INO80D: variants seen among roughly 807,000 people sequenced by gnomAD.
INO80D encodes INO80 complex subunit D.
A neutral mutation model predicts 87.6 loss-of-function variants in INO80D; 21 were observed. The observed-to-expected ratio is 0.24, with a 90% CI of 0.17 to 0.35. The LOEUF is 0.35. Among genes scored for constraint, INO80D ranks in the 10% least tolerant of loss-of-function variants. The probability of loss-of-function intolerance (pLI) is 1.00; values close to 1 mark genes in which losing one functional copy is unlikely to be tolerated. For missense variants in INO80D, 982 were observed against 1,280.7 expected, an observed-to-expected ratio of 0.77 and a Z score of 3.56; for synonymous variants, 440 against 491.0, an observed-to-expected ratio of 0.90 and a Z score of 1.37.
At chr2:206,026,765 G>C (rs1027057229) in intron 6 of INO80D, among the ~76,000 whole-genome samples, 1 of 151,232 alleles carries the variant, frequency 6.6e-6, no homozygotes, top group Non-Finnish European at 1.5e-5. Context: ...AGGTATTACT[G>C]TACTAAGGTT....
intron 9 of INO80D, among the ~76,000 whole-genome samples, chr2:206,008,594 T>G (rs1688090038): frequency 6.6e-6 from 1 of 152,074 alleles, no homozygotes. Flanking sequence ...TTTTTTATAT[T>G]CAACAGAAAC....
chr2:206,021,225 G>A (rs1367250835), intron 6 of INO80D, among the ~76,000 whole-genome samples: 3 of 152,060 alleles, frequency 2.0e-5, no homozygotes, highest in Non-Finnish European at 2.9e-5. Flanking sequence ...GGTTTCAATG[G>A]AATTATTGAC....
intron 6 of INO80D, among the ~76,000 whole-genome samples, chr2:206,027,057 G>A (rs899906183): frequency 6.6e-6 from 1 of 152,068 alleles, no homozygotes; most frequent in Non-Finnish European, 1.5e-5. Context: ...GAGCATTTAC[G>A]GAAATAAATG....
rs1687855314 is a variant in INO80D, at chr2:205,998,890, A to G, written c.*5478T>C. The G allele has an allele frequency of 1.3e-5, 2 of 152,230 alleles. No individual in the cohort carries two copies. The highest frequency in any genetic ancestry group is 2.9e-5 in the Non-Finnish European group (2 of 68,048). 9.4% of individuals were successfully genotyped at this position (152,230 alleles called of 1,614,324 possible). A position where few individuals can be genotyped will look rare whatever the true frequency, so the allele number is the denominator to read the frequency against. On this transcript the variant is annotated 3_prime_UTR_variant, in exon 11 of 11. Coordinates refer to ENST00000403263, the MANE Select transcript of INO80D (RefSeq NM_017759.5). The stretch of plus-strand genomic sequence containing the variant: ...CCCTGAGACATACTCAATACTATAC[A>G]GTGAAAAGAACTATCACTGTTGAGA...
rs1687990118 is a variant in INO80D, at chr2:206,005,118, T to C, written c.2334A>G (p.Arg778=). 4 of 1,613,786 alleles carry C rather than the reference T, an allele frequency of 2.5e-6. No homozygotes were observed. Among genetic ancestry groups the C allele is most frequent in the Non-Finnish European group, 3.4e-6 (4 of 1,179,818 alleles). ...GTCCATGAAACTGTCCTGGGAAGGC[T>C]CTCTCCCCAAGTGCACTCTGGCTGA... ...TLISQSALGE[R]AFPGQFHGLH... is the part of the protein sequence containing the mutation. Residue 778 remains arginine, a synonymous_variant, in exon 11 of 11, where the codon AGA becomes AGG. Coordinates refer to ENST00000403263, the MANE Select transcript of INO80D (RefSeq NM_017759.5).
At chr2:206,021,528 A>T (rs1360697675) in intron 6 of INO80D, among the ~76,000 whole-genome samples, 1 of 152,248 alleles carries the variant, frequency 6.6e-6, no homozygotes, top group East Asian at 1.9e-4. Flanking sequence ...ATAATTTCAA[A>T]TAAATAAACC....
At chr2:206,016,386 C>G (rs938543004) in intron 8 of INO80D, among the ~76,000 whole-genome samples, 3 of 152,144 alleles carry the variant, frequency 2.0e-5, no homozygotes, top group African/African-American at 7.2e-5. Flanking sequence ...AATGGCTGTA[C>G]CCCCATTGTA....
At chr2:206,077,319 G>A (rs1353417808) in intron 1 of INO80D, among the ~76,000 whole-genome samples, 5 of 149,568 alleles carry the variant, frequency 3.3e-5, no homozygotes, top group Admixed American at 1.3e-4. Flanking sequence ...CAGCCTGGGC[G>A]ACACAGCGAG....
intron 1 of INO80D, among the ~76,000 whole-genome samples, chr2:206,068,225 A>C (rs1481415654): frequency 6.6e-6 from 1 of 152,096 alleles, no homozygotes; most frequent in Non-Finnish European, 1.5e-5. Flanking sequence ...CAGCCTCCCA[A>C]GTAGCTAGGA....
At chr2:206,023,852 T>C (rs1037620439) in intron 6 of INO80D, among the ~76,000 whole-genome samples, 1 of 152,168 alleles carries the variant, frequency 6.6e-6, no homozygotes, top group African/African-American at 2.4e-5. Flanking sequence ...TTGCTGTTTG[T>C]TTGTTGTGGC....
At position 206,056,597 on chromosome 2, in the gene INO80D, C is replaced by T. The variant is rs1402672090; in HGVS notation, c.565G>A (p.Val189Ile). The change falls in exon 4 of 11, where the codon GTT becomes ATT. Residue 189 changes from valine to isoleucine, a missense_variant. By Grantham distance (29) the Val-to-Ile change is conservative. Coordinates refer to ENST00000403263, the MANE Select transcript of INO80D (RefSeq NM_017759.5). ...QRQRETEILK[V>I]RQEHFSPPPA... ...GGGGGACTAAAGTGCTCTTGTCGAA[C>T]TTTTAAAATCTCTGTCTCTCTCTGG... is the stretch of plus-strand genomic sequence containing the variant. 5 of 1,610,476 alleles carry T rather than the reference C, an allele frequency of 3.1e-6. No homozygotes were observed. In the South Asian group the frequency reaches 4.4e-5, roughly 14 times the overall value.
intron 3 of INO80D, among the ~76,000 whole-genome samples, chr2:206,057,721 T>C (rs1299093784): frequency 1.3e-5 from 2 of 152,096 alleles, no homozygotes; most frequent in Non-Finnish European, 2.9e-5. Context: ...AGTATACTGC[T>C]TGGGTGATGG....
intron 1 of INO80D, among the ~76,000 whole-genome samples, chr2:206,069,012 C>A (rs1457351352): frequency 6.6e-6 from 1 of 152,084 alleles, no homozygotes; most frequent in African/African-American, 2.4e-5. Flanking sequence ...AAGTCATTTT[C>A]TTTTAATAAA....
At chr2:206,039,907 C>T (rs993012697) in intron 5 of INO80D, among the ~76,000 whole-genome samples, 1 of 150,764 alleles carries the variant, frequency 6.6e-6, no homozygotes, top group Non-Finnish European at 1.5e-5. Context: ...AAAAAATGGA[C>T]AAGTTCCTAG....
At chr2:206,069,725 T>A (rs1689910562) in intron 1 of INO80D, among the ~76,000 whole-genome samples, 3 of 152,216 alleles carry the variant, frequency 2.0e-5, no homozygotes, top group African/African-American at 7.2e-5. Flanking sequence ...ATCAGCATTA[T>A]TGCAACTGAT....
At chr2:206,084,271 A>ACCCC (rs199516103) in intron 1 of INO80D, among the ~76,000 whole-genome samples, 2 of 137,462 alleles carry the variant, frequency 1.5e-5, no homozygotes, top group East Asian at 4.1e-4. Flanking sequence ...ACACACACAC[A>ACCCC]CACCCCAAAA....
chr2:205,998,154 A>G lies in INO80D; in HGVS notation c.*6214T>C, dbSNP rs1687841199. On this transcript the variant is annotated 3_prime_UTR_variant, in exon 11 of 11. Coordinates refer to ENST00000403263, the MANE Select transcript of INO80D (RefSeq NM_017759.5). ...CTCCATAGGAAATAAAAGAGGTCTT[A>G]CAAACTTAGTTTACAAATTCCAGCT... 1.3e-5 allele frequency: 2 copies of G among 152,202 alleles called. No homozygotes were observed. The highest frequency in any genetic ancestry group is 1.3e-4 in the Admixed American group (2 of 15,278). 9.4% of individuals were successfully genotyped at this position (152,202 alleles called of 1,614,324 possible). A position where few individuals can be genotyped will look rare whatever the true frequency, so the allele number is the denominator to read the frequency against.
chr2:206,072,309 C>T (rs1689993344), intron 1 of INO80D, among the ~76,000 whole-genome samples: 1 of 151,894 alleles, frequency 6.6e-6, no homozygotes, highest in Non-Finnish European at 1.5e-5. Flanking sequence ...CAGAGTCTCG[C>T]TCTGTCACCC....
At chr2:206,041,390 A>G (rs938881722) in intron 5 of INO80D, among the ~76,000 whole-genome samples, 19 of 152,224 alleles carry the variant, frequency 1.2e-4, no homozygotes, top group Non-Finnish European at 5.9e-5. Flanking sequence ...GCTTTCACTA[A>G]TCAAAAGAAC....
Sources: gnomAD v4.1 joint callset for allele counts (sites outside exome capture counted in the v4.1 genomes callset) on GRCh38, gnomAD v4.1.1 for gene constraint, MANE v1.5 for transcripts, NCBI Gene and HGNC (gene_info 2026-07-23, HGNC 2026-07-21) for gene names.